The following DRC8 variants were observed in gnomAD, a reference collection of about 807,000 sequenced individuals.
The protein encoded by DRC8 is dynein regulatory complex protein 8.
chr1:244,999,307 G>A, the DRC8 span, among the ~76,000 whole-genome samples: 2 of 151,148 alleles, frequency 1.3e-5, no homozygotes, highest in South Asian at 4.2e-4. Flanking sequence ...TCAAAAATAG[G>A]AGCCATTAGG....
At chr1:245,017,552 T>G in the DRC8 span, among the ~76,000 whole-genome samples, 1 of 73,138 alleles carries the variant, frequency 1.4e-5, no homozygotes. Context: ...TCTCATTGCC[T>G]GTTCCAACCT....
the DRC8 span, chr1:245,002,294 C>T: frequency 7.2e-7 from 1 of 1,383,448 alleles, no homozygotes; most frequent in Non-Finnish European, 1.0e-6. Context: ...CTCTCTGCCT[C>T]CAGCCTTGCT....
At chr1:245,076,286 G>A in the DRC8 span, among the ~76,000 whole-genome samples, 1 of 152,150 alleles carries the variant, frequency 6.6e-6, no homozygotes, top group African/African-American at 2.4e-5. Flanking sequence ...AGTTCACAAA[G>A]CACCTTCATA....
At chr1:245,018,567 G>C in the DRC8 span, among the ~76,000 whole-genome samples, 3 of 152,102 alleles carry the variant, frequency 2.0e-5, no homozygotes, top group Admixed American at 1.3e-4. Context: ...GGTGCAGCAG[G>C]CAGCCCGGCC....
the DRC8 span, among the ~76,000 whole-genome samples, chr1:245,060,496 A>G: frequency 6.6e-6 from 1 of 152,248 alleles, no homozygotes; most frequent in Non-Finnish European, 1.5e-5. Context: ...CTAAGTTGTA[A>G]GAACACATTG....
At chr1:245,023,865 C>G in the DRC8 span, among the ~76,000 whole-genome samples, 1 of 152,134 alleles carries the variant, frequency 6.6e-6, no homozygotes, top group South Asian at 2.1e-4. Context: ...TATATCTTGA[C>G]TATTTATTAA....
At chr1:244,985,734 C>T in the DRC8 span, among the ~76,000 whole-genome samples, 1 of 151,590 alleles carries the variant, frequency 6.6e-6, no homozygotes, top group African/African-American at 2.4e-5. Flanking sequence ...CATGGTGGCA[C>T]ACACCTGTAA....
At chr1:245,043,689 A>T in the DRC8 span, among the ~76,000 whole-genome samples, 1 of 152,036 alleles carries the variant, frequency 6.6e-6, no homozygotes. Context: ...GCTCCTGGCC[A>T]CTCTCGCTGT....
chr1:245,064,207 G>A, the DRC8 span, among the ~76,000 whole-genome samples: 1 of 152,138 alleles, frequency 6.6e-6, no homozygotes, highest in Non-Finnish European at 1.5e-5. Context: ...TGGCTTTCAG[G>A]ATTAGATCAA....
chr1:244,983,503 G>T, the DRC8 span, among the ~76,000 whole-genome samples: 1 of 152,062 alleles, frequency 6.6e-6, no homozygotes, highest in East Asian at 1.9e-4. Context: ...ACTTTGGGAG[G>T]CTGAGGTGGG....
At chr1:244,987,386 G>A in the DRC8 span, among the ~76,000 whole-genome samples, 12 of 151,770 alleles carry the variant, frequency 7.9e-5, no homozygotes, top group East Asian at 3.9e-4. Flanking sequence ...TGTATTTTTA[G>A]TAGACATGGG....
At chr1:245,114,275 C>T in the DRC8 span, among the ~76,000 whole-genome samples, 15 of 151,890 alleles carry the variant, frequency 9.9e-5, no homozygotes, top group African/African-American at 3.4e-4. Flanking sequence ...GCAGCCTGGC[C>T]GATATGGTGA....
the DRC8 span, among the ~76,000 whole-genome samples, chr1:245,038,526 A>G: frequency 1.3e-5 from 2 of 152,242 alleles, no homozygotes; most frequent in African/African-American, 4.8e-5. Context: ...CATACTACAA[A>G]TCCTCTATTG....
the DRC8 span, among the ~76,000 whole-genome samples, chr1:245,097,036 T>G: frequency 6.6e-6 from 1 of 152,164 alleles, no homozygotes; most frequent in Non-Finnish European, 1.5e-5. This position sits in a 1 kb window ranked among gnomAD's most constrained non-coding sequence, Gnocchi z 5.0. Context: ...TATAAATATT[T>G]TCTCTATATA....
the DRC8 span, among the ~76,000 whole-genome samples, chr1:244,984,782 C>T: frequency 3.3e-5 from 5 of 151,236 alleles, no homozygotes; most frequent in Non-Finnish European, 7.4e-5. Flanking sequence ...TTGCGGTGAG[C>T]CGAGATCATG....
the DRC8 span, among the ~76,000 whole-genome samples, chr1:245,033,444 G>A: frequency 2.6e-5 from 4 of 152,086 alleles, no homozygotes; most frequent in African/African-American, 4.8e-5. Flanking sequence ...TCCCACAAAC[G>A]CCTTCTATAT....
At chr1:245,072,123 A>G in the DRC8 span, among the ~76,000 whole-genome samples, 1 of 152,254 alleles carries the variant, frequency 6.6e-6, no homozygotes, top group Non-Finnish European at 1.5e-5. Flanking sequence ...ACCTGCACAC[A>G]GATGCTTATA....
chr1:245,118,746 C>T, the DRC8 span, among the ~76,000 whole-genome samples: 10 of 148,994 alleles, frequency 6.7e-5, no homozygotes, highest in Admixed American at 5.4e-4. Flanking sequence ...AAGCCAAGAT[C>T]GCACCACTGC....
the DRC8 span, among the ~76,000 whole-genome samples, chr1:245,049,237 G>A: frequency 5.9e-5 from 9 of 152,264 alleles, no homozygotes; most frequent in East Asian, 1.7e-3. The surrounding 1 kb of genome is among the most constrained non-coding windows in gnomAD (Gnocchi z 4.5). Context: ...CACCCACCTC[G>A]GCCTCCCAGA....
Sources: gnomAD v4.1 joint callset for allele counts (sites outside exome capture counted in the v4.1 genomes callset) on GRCh38, gnomAD v4.1.1 for gene constraint, Gnocchi (gnomAD v3.1) non-coding constraint, MANE v1.5 for transcripts, NCBI Gene and HGNC (gene_info 2026-07-23, HGNC 2026-07-21) for gene names.